The following NEBL variants were observed in gnomAD, a reference collection of about 807,000 sequenced individuals.
The protein encoded by NEBL is LIM and SH3 protein 2.
A neutral mutation model predicts 140.2 loss-of-function variants in NEBL; 122 were observed. The observed-to-expected ratio is 0.87, with a 90% confidence interval of 0.75 to 1.01. NEBL has a LOEUF of 1.01. Ranked by LOEUF, NEBL falls within the 50% of genes least tolerant of loss-of-function variation. The pLI, the probability that NEBL is intolerant of heterozygous loss-of-function variation, is 0.00. For synonymous variants in NEBL, 436 were observed against 398.9 expected (o/e 1.09, Z -1.11); for missense variants, 1,365 against 1,231.3 (o/e 1.11, Z -1.62).
At chr10:21,014,656 T>A (rs542777017) in intron 3 of NEBL, among the ~76,000 whole-genome samples, 1 of 152,284 alleles carries the variant, frequency 6.6e-6, no homozygotes, top group East Asian at 1.9e-4. Context: ...TCTTACTGGA[T>A]GGTTAGATGA....
At chr10:21,106,850 CT>C (rs1466502317) in intron 2 of NEBL, among the ~76,000 whole-genome samples, 1 of 152,228 alleles carries the variant, frequency 6.6e-6, no homozygotes, top group East Asian at 1.9e-4. Flanking sequence ...TTTGTGTCCT[CT>C]TTTATTTTGT....
intron 2 of NEBL, among the ~76,000 whole-genome samples, chr10:21,129,065 C>T (rs187002206): frequency 1.2e-3 from 190 of 152,234 alleles, no homozygotes; most frequent in Non-Finnish European, 2.1e-3. Flanking sequence ...AATTATCCTT[C>T]AGAAGTGAGG....
At chr10:20,969,046 T>C (rs920508764) in intron 3 of NEBL, among the ~76,000 whole-genome samples, 18 of 152,210 alleles carry the variant, frequency 1.2e-4, no homozygotes, top group African/African-American at 4.3e-4. Flanking sequence ...AAAAGCTTAA[T>C]AACCATTTCA....
At chr10:21,169,049 CAAAAAAA>C (rs147147865) in intron 2 of NEBL, among the ~76,000 whole-genome samples, 19 of 25,526 alleles carry the variant, frequency 7.4e-4, no homozygotes, top group African/African-American at 2.6e-3. Context: ...ACTCCGTCTA[CAAAAAAA>C]AAAAAAAAAA....
chr10:21,247,451 G>T (rs1842532794), intron 3 of NEBL, among the ~76,000 whole-genome samples: 1 of 152,102 alleles, frequency 6.6e-6, no homozygotes, highest in Non-Finnish European at 1.5e-5. Flanking sequence ...GGTTGGAGTT[G>T]GGGGAGCAAA....
chr10:20,840,851 T>A lies in NEBL; in HGVS notation c.1228-2A>T. 1 of 1,503,306 alleles carries A rather than the reference T, an allele frequency of 6.7e-7. No homozygotes were observed. Among genetic ancestry groups the A allele is most frequent in the Non-Finnish European group, 9.2e-7 (1 of 1,083,388 alleles). 93.1% of individuals were successfully genotyped at this position (1,503,306 alleles called of 1,614,324 possible). A position where few individuals can be genotyped will look rare whatever the true frequency, so the allele number is the denominator to read the frequency against. On this transcript the variant is annotated splice_acceptor_variant, in intron 12 of 27. Coordinates refer to ENST00000377122, the MANE Select transcript of NEBL (RefSeq NM_006393.3). LOFTEE classifies it high-confidence loss of function. ...TTCCAAATCTTTTTTATATTCTTTCTATGAGACAAGAATATCACAGTTCAA... is the reference window on the plus strand; with the variant it reads ...TTCCAAATCTTTTTTATATTCTTTCAATGAGACAAGAATATCACAGTTCAA...
At chr10:20,882,089 G>A (rs1846060778) in intron 4 of NEBL, among the ~76,000 whole-genome samples, 1 of 152,048 alleles carries the variant, frequency 6.6e-6, no homozygotes, top group South Asian at 2.1e-4. Context: ...GAGGCAGGAG[G>A]ATTGCCTGAT....
chr10:21,037,226 A>G (rs1338059224), intron 2 of NEBL, among the ~76,000 whole-genome samples: 1 of 141,292 alleles, frequency 7.1e-6, no homozygotes, highest in Non-Finnish European at 1.5e-5. Flanking sequence ...AAACCCAACC[A>G]GCAAGAAAGA....
At chr10:20,930,793 G>A (rs868700275) in intron 4 of NEBL, among the ~76,000 whole-genome samples, 1 of 152,184 alleles carries the variant, frequency 6.6e-6, no homozygotes, top group South Asian at 2.1e-4. Context: ...CCACACAGGA[G>A]CATGGAGATC....
At chr10:20,811,249 T>C (rs1838104672) in intron 24 of NEBL, among the ~76,000 whole-genome samples, 1 of 152,216 alleles carries the variant, frequency 6.6e-6, no homozygotes, top group African/African-American at 2.4e-5. Context: ...CTCAATGGTT[T>C]TGAGTACTGA....
chr10:20,973,224 T>C (rs1157038523), intron 3 of NEBL, among the ~76,000 whole-genome samples: 3 of 151,470 alleles, frequency 2.0e-5, no homozygotes, highest in African/African-American at 7.3e-5. Flanking sequence ...AATCACTTTG[T>C]AAAAAAGATA....
intron 11 of NEBL, 87 bp from the exon 12 acceptor site, chr10:20,845,455 A>C: frequency 1.2e-6 from 1 of 863,948 alleles, no homozygotes; most frequent in Non-Finnish European, 1.9e-6. Context: ...CAGAACAAAA[A>C]TGATGTTTTC....
chr10:21,184,944 C>A (rs1404363641), intron 3 of NEBL, among the ~76,000 whole-genome samples: 2 of 152,126 alleles, frequency 1.3e-5, no homozygotes, highest in African/African-American at 2.4e-5. Context: ...AAATTTTCTA[C>A]AATAAACATT....
At chr10:21,130,287 G>A (rs569942329) in intron 2 of NEBL, among the ~76,000 whole-genome samples, 3 of 152,162 alleles carry the variant, frequency 2.0e-5, no homozygotes, top group East Asian at 1.9e-4. Context: ...AGAAGCAGAT[G>A]AGTTTACTCT....
rs766280453 is a variant in NEBL, at chr10:20,897,225, T to C, written c.-20A>G. 1 of 1,542,108 alleles carries C rather than the reference T, an allele frequency of 6.5e-7. No individual in the cohort carries two copies. Among genetic ancestry groups the C allele is most frequent in the Non-Finnish European group, 8.7e-7 (1 of 1,143,162 alleles). ...CCTCATTTTTACCCTTTAAAATATTTATATTTTTAAAATTTACTCATGTGG... is the reference window on the plus strand; with the variant it reads ...CCTCATTTTTACCCTTTAAAATATTCATATTTTTAAAATTTACTCATGTGG... On this transcript the variant is annotated 5_prime_UTR_variant, in exon 1 of 28. It adds an upstream start codon to the 5' untranslated region. Coordinates refer to ENST00000377122, the MANE Select transcript of NEBL (RefSeq NM_006393.3).
intron 2 of NEBL, among the ~76,000 whole-genome samples, chr10:21,048,104 G>C (rs1037802968): frequency 5.3e-5 from 8 of 152,258 alleles, no homozygotes; most frequent in African/African-American, 1.7e-4. Flanking sequence ...TGCTGTGGCA[G>C]CTTCACCAGG....
intron 2 of NEBL, among the ~76,000 whole-genome samples, chr10:21,045,385 C>A (rs953105374): frequency 6.6e-6 from 1 of 152,146 alleles, no homozygotes; most frequent in Non-Finnish European, 1.5e-5. Flanking sequence ...CTGCTAAAAA[C>A]CAAAAGCATA....
At chr10:20,791,492 C>T (rs1835972042) in intron 26 of NEBL, among the ~76,000 whole-genome samples, 1 of 152,120 alleles carries the variant, frequency 6.6e-6, no homozygotes, top group Non-Finnish European at 1.5e-5. Flanking sequence ...CAGCCTCAAA[C>T]TCCTGGACTC....
chr10:21,078,445 A>G (rs1836204845), intron 2 of NEBL, among the ~76,000 whole-genome samples: 1 of 152,232 alleles, frequency 6.6e-6, no homozygotes, highest in Non-Finnish European at 1.5e-5. Context: ...CCTCTCCTAA[A>G]TAGAGTCGTG....
Sources: gnomAD v4.1 joint callset for allele counts (sites outside exome capture counted in the v4.1 genomes callset) on GRCh38, gnomAD v4.1.1 for gene constraint, MANE v1.5 for transcripts, NCBI Gene and HGNC (gene_info 2026-07-23, HGNC 2026-07-21) for gene names.